The following SASH1 variants were observed in gnomAD, a reference collection of about 807,000 sequenced individuals.
SASH1 encodes the protein SAM and SH3 domain containing 1.
SASH1 carries 44 observed loss-of-function variants against 125.2 expected under a neutral mutation model. The ratio of observed to expected loss-of-function variants is 0.35; its 90% CI spans 0.28 to 0.45. The LOEUF (loss-of-function observed/expected upper bound fraction) is 0.45, where lower values mean the gene tolerates loss of function less well. Among genes scored for constraint, SASH1 ranks in the 20% least tolerant of loss-of-function variants. The pLI is 1.00. For missense variants in SASH1, 1,426 were observed against 1,614.5 expected, an observed-to-expected ratio of 0.88 and a Z score of 2.00; for synonymous variants, 639 against 649.1, an observed-to-expected ratio of 0.98 and a Z score of 0.24.
At chr6:148,355,348 T>A (rs764104098) in intron 1 of SASH1, among the ~76,000 whole-genome samples, 29 of 152,194 alleles carry the variant, frequency 1.9e-4, no homozygotes, top group Non-Finnish European at 3.8e-4. Context: ...AGGTGGTGAT[T>A]TACTGGAAGA....
At chr6:148,542,737 C>T (rs1252007782) in intron 17 of SASH1, among the ~76,000 whole-genome samples, 4 of 152,068 alleles carry the variant, frequency 2.6e-5, no homozygotes, top group Non-Finnish European at 1.5e-5. Context: ...TATGTAACAA[C>T]AATAATATCC....
intron 8 of SASH1, among the ~76,000 whole-genome samples, chr6:148,499,097 G>A (rs549623802): frequency 2.8e-4 from 39 of 139,878 alleles, no homozygotes; most frequent in African/African-American, 4.8e-4. Flanking sequence ...TCACTCTGTC[G>A]CCCAAGCTGG....
At chr6:148,452,706 C>T (rs62432303) in intron 4 of SASH1, among the ~76,000 whole-genome samples, 10,492 of 150,586 alleles carry the variant, frequency 0.07, 501 homozygotes, top group Non-Finnish European at 0.11. Flanking sequence ...GTTCCCTCCC[C>T]TCACCCCCTC....
At chr6:148,433,445 C>T (rs1423477015) in intron 2 of SASH1, among the ~76,000 whole-genome samples, 4 of 128,108 alleles carry the variant, frequency 3.1e-5, no homozygotes, top group Admixed American at 9.0e-5. Flanking sequence ...CTCTCTTTGT[C>T]GCCCAGGGTG....
rs147879000 is a variant in SASH1, at chr6:148,315,934, C to G, written n.74+43557C>G. Among the ~76,000 whole-genome samples the G allele has an allele frequency of 1.0e-3, 157 of 152,226 alleles. 2 individuals carry two copies. The highest frequency in any genetic ancestry group is 3.6e-3 in the African/African-American group (150 of 41,572). On this transcript the variant is annotated intron_variant and non_coding_transcript_variant, in intron 1 of 3. Coordinates refer to the SASH1 transcript ENST00000367469. The stretch of plus-strand genomic sequence containing the variant: ...AAAAATAAAAGCCTCGAAACTAAGA[C>G]CAGCCTGCCACACCCATGGGCATTT...
chr6:148,272,357 A>G (rs1209292005), exon 1 of SASH1: 3 of 470,858 alleles, frequency 6.4e-6, no homozygotes, highest in African/African-American at 6.0e-5. Context: ...AGCTCACTTC[A>G]TGGAGGAACA....
At chr6:148,480,777 GA>G (rs949955001) in intron 7 of SASH1, 1 of 152,622 alleles carries the variant, frequency 6.6e-6, no homozygotes, top group African/African-American at 2.4e-5. Flanking sequence ...AGGCTACAAA[GA>G]ACTAATATGT....
chr6:148,310,950 G>A (rs983347227), intron 1 of SASH1, among the ~76,000 whole-genome samples: 1 of 151,946 alleles, frequency 6.6e-6, no homozygotes, highest in Non-Finnish European at 1.5e-5. Context: ...GCTTTGTTTT[G>A]TTTTGTTTTT....
At chr6:148,542,980 T>A (rs1362556379) in intron 17 of SASH1, among the ~76,000 whole-genome samples, 1 of 152,226 alleles carries the variant, frequency 6.6e-6, no homozygotes, top group Admixed American at 6.5e-5. Context: ...AGCAGCAGTT[T>A]AGTATCAACT....
chr6:148,466,185 G>A (rs1777829123), intron 4 of SASH1, among the ~76,000 whole-genome samples: 1 of 152,228 alleles, frequency 6.6e-6, no homozygotes, highest in Non-Finnish European at 1.5e-5. Flanking sequence ...TGTATTCACA[G>A]CACAGGAATA....
intron 2 of SASH1, among the ~76,000 whole-genome samples, chr6:148,420,920 A>C (rs1396107295): frequency 2.0e-5 from 3 of 151,914 alleles, no homozygotes; most frequent in Non-Finnish European, 4.4e-5. Context: ...GTCTCTATTA[A>C]AAATACACAA....
chr6:148,405,793 C>T (rs1394239424), intron 2 of SASH1, among the ~76,000 whole-genome samples: 1 of 152,206 alleles, frequency 6.6e-6, no homozygotes, highest in Non-Finnish European at 1.5e-5. Context: ...CCCATAGAAA[C>T]TTGTTATGCC....
chr6:148,345,005 C>T (rs1328377183), intron 1 of SASH1, among the ~76,000 whole-genome samples: 7 of 152,200 alleles, frequency 4.6e-5, no homozygotes, highest in East Asian at 1.9e-4. Context: ...CTGCCCACCT[C>T]GGCCTCCCAA....
chr6:148,206,793 G>GCGCA, the SASH1 span, among the ~76,000 whole-genome samples: 95 of 134,568 alleles, frequency 7.1e-4, 1 homozygote, highest in African/African-American at 2.3e-3. Flanking sequence ...CCATCTCAAA[G>GCGCA]CACACACACA....
intron 15 of SASH1, among the ~76,000 whole-genome samples, 194 bp from the exon 16 acceptor site, chr6:148,534,557 A>G (rs1391566213): frequency 6.6e-6 from 1 of 152,208 alleles, no homozygotes; most frequent in Non-Finnish European, 1.5e-5. Context: ...CCCATGATTA[A>G]TAAAACACCC....
intron 1 of SASH1, among the ~76,000 whole-genome samples, chr6:148,320,494 G>A (rs1780610006): frequency 2.6e-5 from 4 of 152,212 alleles, no homozygotes; most frequent in Admixed American, 2.6e-4. Context: ...ACTCAGCCAA[G>A]GGACTGTCCC....
intron 1 of SASH1, among the ~76,000 whole-genome samples, chr6:148,386,694 C>G (rs577677520): frequency 6.6e-6 from 1 of 152,196 alleles, no homozygotes; most frequent in South Asian, 2.1e-4. Context: ...GAGACCAAGA[C>G]AACTCCAAAG....
At chr6:148,538,435 C>A (rs907513782) in intron 16 of SASH1, among the ~76,000 whole-genome samples, 3 of 152,230 alleles carry the variant, frequency 2.0e-5, no homozygotes, top group Non-Finnish European at 4.4e-5. Flanking sequence ...TAGGCCAGAA[C>A]AAAGGCCACT....
chr6:148,379,287 C>T (rs951734161), intron 1 of SASH1, among the ~76,000 whole-genome samples: 9 of 152,110 alleles, frequency 5.9e-5, no homozygotes, highest in African/African-American at 1.7e-4. Flanking sequence ...GGTAGCTTTA[C>T]CTCTTGGAAC....
Sources: gnomAD v4.1 joint callset for allele counts (sites outside exome capture counted in the v4.1 genomes callset) on GRCh38, gnomAD v4.1.1 for gene constraint, MANE v1.5 for transcripts, NCBI Gene and HGNC (gene_info 2026-07-23, HGNC 2026-07-21) for gene names.